Variants in CNTN5 observed in about 807,000 individuals in gnomAD.
CNTN5 encodes the protein contactin 5, also known as contactin-5.
Under a neutral mutation model 129.1 loss-of-function variants are expected in CNTN5, and 77 were observed. The ratio of observed to expected loss-of-function variants is 0.60; its 90% CI spans 0.50 to 0.72. The LOEUF is 0.72. CNTN5 is among the 30% of genes least tolerant of loss of function. The pLI is 0.00. For missense variants in CNTN5, 1,478 were observed against 1,328.8 expected, an observed-to-expected ratio of 1.11 and a Z score of -1.75; for synonymous variants, 509 against 465.6, an observed-to-expected ratio of 1.09 and a Z score of -1.20.
rs150243201 is a variant in CNTN5 at position 99,437,370 on chromosome 11, T to C, written c.-71+111886T>C. ...ATCATCTATAATTTGACTTCATACA[T>C]TATTATTCTTAATAAATATATATTT... On this transcript the variant is annotated intron_variant, in intron 2 of 24. Transcript: ENST00000524871. Among the ~76,000 whole-genome samples, 1,087 of 152,296 alleles carry C rather than the reference T, an allele frequency of 7.1e-3. 21 individuals are homozygous for C. Among genetic ancestry groups the C allele is most frequent in the African/African-American group, 0.024 (1,014 of 41,562 alleles).
At chr11:99,255,300 T>C (rs2135805084) in intron 1 of CNTN5, among the ~76,000 whole-genome samples, 1 of 151,926 alleles carries the variant, frequency 6.6e-6, no homozygotes, top group South Asian at 2.1e-4. Flanking sequence ...GTTATTTAAC[T>C]ATATGTAACG....
intron 2 of CNTN5, among the ~76,000 whole-genome samples, chr11:99,383,098 G>A (rs900948459): frequency 3.3e-5 from 5 of 151,788 alleles, no homozygotes; most frequent in South Asian, 2.1e-4. Context: ...CTTGTGATCC[G>A]CCTGCCTTGG....
intron 3 of CNTN5, among the ~76,000 whole-genome samples, chr11:99,779,311 C>A (rs574506569): frequency 5.3e-5 from 8 of 151,868 alleles, no homozygotes; most frequent in Non-Finnish European, 1.2e-4. Context: ...TGTAATCAGG[C>A]TGAATTCAGA....
intron 3 of CNTN5, among the ~76,000 whole-genome samples, chr11:99,776,220 T>A (rs975786048): frequency 2.0e-5 from 3 of 151,922 alleles, no homozygotes; most frequent in African/African-American, 4.8e-5. Context: ...TGACTAACTA[T>A]ATTATGCTGC....
intron 3 of CNTN5, among the ~76,000 whole-genome samples, chr11:99,687,239 T>C (rs1029728078): frequency 1.9e-4 from 29 of 152,062 alleles, no homozygotes; most frequent in African/African-American, 7.0e-4. Flanking sequence ...AGTTGGCAAA[T>C]TGCACCCAAG....
intron 4 of CNTN5, among the ~76,000 whole-genome samples, chr11:99,831,394 C>T (rs1200332143): frequency 6.6e-6 from 1 of 152,116 alleles, no homozygotes; most frequent in African/African-American, 2.4e-5. Flanking sequence ...TTTCATAGCT[C>T]AATTCGTTCA....
At chr11:99,480,148 T>C (rs1355989415) in intron 2 of CNTN5, among the ~76,000 whole-genome samples, 2 of 152,174 alleles carry the variant, frequency 1.3e-5, no homozygotes, top group African/African-American at 2.4e-5. Context: ...ATTAACTATA[T>C]GATGGAGTGT....
intron 1 of CNTN5, among the ~76,000 whole-genome samples, chr11:99,219,211 A>G (rs1397926061): frequency 1.3e-5 from 2 of 152,024 alleles, no homozygotes; most frequent in Non-Finnish European, 2.9e-5. Context: ...CAGAGCTTAC[A>G]GTTTGCAAAT....
intron 3 of CNTN5, among the ~76,000 whole-genome samples, chr11:99,599,495 T>C (rs1332509609): frequency 1.3e-5 from 2 of 152,192 alleles, no homozygotes; most frequent in African/African-American, 4.8e-5. Flanking sequence ...ACTTGTCATT[T>C]TGATAATATT....
chr11:99,983,330 G>T (rs553955310), intron 8 of CNTN5, among the ~76,000 whole-genome samples: 1 of 152,284 alleles, frequency 6.6e-6, no homozygotes, highest in South Asian at 2.1e-4. Flanking sequence ...TTAGTTTATG[G>T]AGTGGAGAAA....
intron 1 of CNTN5, among the ~76,000 whole-genome samples, chr11:99,321,011 T>C (rs1865546728): frequency 6.6e-6 from 1 of 152,182 alleles, no homozygotes; most frequent in South Asian, 2.1e-4. Context: ...CAGCTTTTGA[T>C]CTGAGACATT....
chr11:100,225,978 G>T (rs1056758514), intron 16 of CNTN5, among the ~76,000 whole-genome samples: 3 of 152,072 alleles, frequency 2.0e-5, no homozygotes, highest in Middle Eastern at 6.8e-3. Context: ...GTAAAATGTT[G>T]TTTTTAAAGA....
In CNTN5 at chr11:99,736,378, G is replaced by C. The variant is rs191376412; in HGVS notation, c.56-83166G>C. Among the ~76,000 whole-genome samples the C allele has an allele frequency of 4.2e-3, 640 of 152,264 alleles. 2 individuals are homozygous for C. Among genetic ancestry groups the C allele is most frequent in the Non-Finnish European group, 6.3e-3 (429 of 68,018 alleles). ...GTGGAACCTAGGCCTGGGGCAATGA[G>C]GGCTGGTGTAGAGGAGCCCAGAATG... On this transcript the variant is annotated intron_variant, in intron 3 of 24. Coordinates refer to ENST00000524871, the MANE Select transcript of CNTN5 (RefSeq NM_014361.4).
At chr11:99,827,069 G>T (rs1946984563) in intron 4 of CNTN5, among the ~76,000 whole-genome samples, 1 of 152,008 alleles carries the variant, frequency 6.6e-6, no homozygotes, top group East Asian at 1.9e-4. Context: ...TTGGTTTTTT[G>T]CTTTTTGTTT....
intron 7 of CNTN5, among the ~76,000 whole-genome samples, chr11:99,933,655 T>C (rs1312615064): frequency 6.6e-6 from 1 of 152,178 alleles, no homozygotes; most frequent in Non-Finnish European, 1.5e-5. Flanking sequence ...AGGCAGTTAG[T>C]TGGGTTTTTC....
rs369521067 is a variant in CNTN5 at position 99,626,406 on chromosome 11, T to A, written c.55+70137T>A. 2.2e-4 allele frequency among the ~76,000 whole-genome samples: 34 copies of A among 152,074 alleles called. 1 individual carries two copies. The South Asian group carries it at 6.7e-3, about 30-fold the overall frequency. On this transcript the variant is annotated intron_variant, in intron 3 of 24. Coordinates refer to ENST00000524871, the MANE Select transcript of CNTN5 (RefSeq NM_014361.4). ...ACTGTTTTAGTGGAAGTATTCAGAG[T>A]ATTTATAGATTTTTTTTGCCTTGTT... is the stretch of plus-strand genomic sequence containing the variant.
chr11:100,033,892 T>C (rs1192188298), intron 9 of CNTN5, among the ~76,000 whole-genome samples: 1 of 152,166 alleles, frequency 6.6e-6, no homozygotes, highest in Non-Finnish European at 1.5e-5. Context: ...AAAAGATTGT[T>C]TCACTTGCTA....
chr11:100,274,049 G>A (rs1038268057), intron 18 of CNTN5, among the ~76,000 whole-genome samples: 2 of 152,148 alleles, frequency 1.3e-5, no homozygotes, highest in Non-Finnish European at 2.9e-5. Context: ...ACAGAATAGA[G>A]AGTGCAGAAA....
At chr11:99,817,430 T>C (rs1946624544) in intron 3 of CNTN5, among the ~76,000 whole-genome samples, 1 of 152,174 alleles carries the variant, frequency 6.6e-6, no homozygotes, top group African/African-American at 2.4e-5. Context: ...AGTATTTGGT[T>C]AAAATATGTA....
Sources: gnomAD v4.1 joint callset for allele counts (sites outside exome capture counted in the v4.1 genomes callset) on GRCh38, gnomAD v4.1.1 for gene constraint, MANE v1.5 for transcripts, NCBI Gene and HGNC (gene_info 2026-07-23, HGNC 2026-07-21) for gene names.